The following SLC9C1 variants were observed in gnomAD, a reference collection of about 807,000 sequenced individuals.
The protein encoded by SLC9C1 is sodium/hydrogen exchanger 10.
In SLC9C1, 97 loss-of-function variants were observed where a neutral mutation model predicts 140.9. The observed-to-expected ratio is 0.69, with a 90% CI of 0.58 to 0.82. The LOEUF (loss-of-function observed/expected upper bound fraction) is 0.82. SLC9C1 is among the 40% of genes least tolerant of loss of function. The pLI, the probability that SLC9C1 is intolerant of heterozygous loss-of-function variation, is 0.00. For missense variants in SLC9C1, 1,340 were observed against 1,389.3 expected (o/e 0.96, Z 0.56); for synonymous variants, 440 against 442.6 (o/e 0.99, Z 0.07).
At chr3:112,152,583 G>C (rs935945619) in intron 27 of SLC9C1, among the ~76,000 whole-genome samples, 1 of 151,934 alleles carries the variant, frequency 6.6e-6, no homozygotes, top group Non-Finnish European at 1.5e-5. Context: ...CCCTGTATTG[G>C]TGTCAGGCTG....
chr3:112,183,420 C>T (rs1410210594), intron 20 of SLC9C1, among the ~76,000 whole-genome samples: 1 of 130,750 alleles, frequency 7.6e-6, no homozygotes, highest in East Asian at 2.2e-4. Flanking sequence ...CACTAAACCC[C>T]ACACAATTCC....
At chr3:112,286,528 G>A (rs1415222590) in intron 2 of SLC9C1, among the ~76,000 whole-genome samples, 176 bp downstream of exon 2, 2 of 152,118 alleles carry the variant, frequency 1.3e-5, no homozygotes, top group East Asian at 1.9e-4. Flanking sequence ...GATTCTACAC[G>A]TCTCTCCATA....
chr3:112,150,941 G>A (rs2074960110), intron 28 of SLC9C1, among the ~76,000 whole-genome samples: 1 of 150,158 alleles, frequency 6.7e-6, no homozygotes, highest in South Asian at 2.1e-4. Flanking sequence ...AGGTTCAAGC[G>A]ATTCTCCTGC....
At chr3:112,181,662 T>C (rs1292515359) in intron 21 of SLC9C1, among the ~76,000 whole-genome samples, 4 of 152,136 alleles carry the variant, frequency 2.6e-5, no homozygotes, top group Non-Finnish European at 5.9e-5. Flanking sequence ...GGCAGCAATA[T>C]TGGTCCTCTG....
chr3:112,190,548 C>T (rs1311839626), intron 20 of SLC9C1, among the ~76,000 whole-genome samples: 1 of 152,088 alleles, frequency 6.6e-6, no homozygotes, highest in African/African-American at 2.4e-5. Flanking sequence ...TAGCATTGAA[C>T]AATAACAGTT....
At chr3:112,259,425 A>G (rs2079707413) in intron 10 of SLC9C1, among the ~76,000 whole-genome samples, 1 of 151,878 alleles carries the variant, frequency 6.6e-6, no homozygotes, top group South Asian at 2.1e-4. Flanking sequence ...CTAAAAAAAA[A>G]AAAAAAAGCA....
At chr3:112,287,613 G>A (rs765505030) in intron 1 of SLC9C1, among the ~76,000 whole-genome samples, 35 of 152,176 alleles carry the variant, frequency 2.3e-4, no homozygotes, top group African/African-American at 8.2e-4. Flanking sequence ...AGGCAATCTC[G>A]CCTGCTTCCC....
At chr3:112,157,222 C>T (rs1247602967) in intron 26 of SLC9C1, among the ~76,000 whole-genome samples, 1 of 151,902 alleles carries the variant, frequency 6.6e-6, no homozygotes, top group East Asian at 1.9e-4. Flanking sequence ...AAACTTGTTT[C>T]ATTCTTCTGC....
intron 10 of SLC9C1, among the ~76,000 whole-genome samples, chr3:112,251,108 C>T (rs1013305054): frequency 6.6e-6 from 1 of 152,084 alleles, no homozygotes; most frequent in African/African-American, 2.4e-5. Flanking sequence ...CTAGAAGCAG[C>T]TAGTATGCAC....
intron 15 of SLC9C1, among the ~76,000 whole-genome samples, chr3:112,213,604 CAAAG>C (rs1439452774): frequency 4.6e-5 from 7 of 152,026 alleles, no homozygotes; most frequent in South Asian, 2.1e-4. Flanking sequence ...TCAAAAGAGA[CAAAG>C]AAGGCCATTA....
chr3:112,200,509 CAGAG>C (rs1249468894), intron 19 of SLC9C1, among the ~76,000 whole-genome samples, 198 bp downstream of exon 19: 2 of 152,166 alleles, frequency 1.3e-5, no homozygotes, highest in African/African-American at 4.8e-5. Flanking sequence ...TTGCATGAAG[CAGAG>C]AGAGAAAGTG....
chr3:112,267,653 T>A (rs975723883), intron 7 of SLC9C1, among the ~76,000 whole-genome samples: 2 of 151,652 alleles, frequency 1.3e-5, no homozygotes, highest in African/African-American at 4.8e-5. Flanking sequence ...ATTGTTTGAT[T>A]TGGATTGTAA....
intron 24 of SLC9C1, 37 bp from the exon 25 acceptor site, chr3:112,169,099 C>G: frequency 5.7e-6 from 9 of 1,571,238 alleles, no homozygotes; most frequent in Non-Finnish European, 6.9e-6. Context: ...TATTATTAGT[C>G]TATGAAGTTC....
intron 2 of SLC9C1, among the ~76,000 whole-genome samples, chr3:112,285,700 T>G (rs1280207187): frequency 6.6e-6 from 1 of 152,196 alleles, no homozygotes; most frequent in Non-Finnish European, 1.5e-5. Context: ...CAGATGTAAA[T>G]ATGCACATCA....
chr3:112,223,124 C>G (rs1159126376), intron 13 of SLC9C1, among the ~76,000 whole-genome samples: 1 of 152,120 alleles, frequency 6.6e-6, no homozygotes, highest in Non-Finnish European at 1.5e-5. Flanking sequence ...TAAAAGGCTT[C>G]TTGTTTATAA....
intron 15 of SLC9C1, among the ~76,000 whole-genome samples, chr3:112,215,960 A>G (rs980037874): frequency 1.3e-5 from 2 of 152,228 alleles, no homozygotes; most frequent in African/African-American, 4.8e-5. Context: ...AAACTATACT[A>G]CAAGGCTGTG....
At chr3:112,261,926 G>T (rs2079784776) in intron 10 of SLC9C1, among the ~76,000 whole-genome samples, 1 of 152,022 alleles carries the variant, frequency 6.6e-6, no homozygotes, top group Non-Finnish European at 1.5e-5. Context: ...TTCTGTTGGT[G>T]GAAGTGATTA....
chr3:112,178,811 G>A (rs1303914694), intron 23 of SLC9C1, among the ~76,000 whole-genome samples: 10 of 152,044 alleles, frequency 6.6e-5, no homozygotes, highest in Admixed American at 6.5e-4. Flanking sequence ...TATTTTATTA[G>A]CGATGGCACA....
In SLC9C1 at chr3:112,227,506, C is replaced by T. The variant is rs570512470; in HGVS notation, c.1572+3855G>A. 7.1e-4 allele frequency among the ~76,000 whole-genome samples: 97 copies of T among 136,586 alleles called. No homozygotes were observed. In the Middle Eastern group the frequency reaches 0.011, roughly 15 times the overall value. The allele number at this position is 136,586 out of a possible 152,430, so 89.6% of individuals were successfully genotyped here. A position where few individuals can be genotyped will look rare whatever the true frequency, so the allele number is the denominator to read the frequency against. ...AAAGCCATTTGATCATCTGAATAGA[C>T]GCAAAAAACATTTGATAAAATTCAG... On this transcript the variant is annotated intron_variant, in intron 13 of 28. Transcript: ENST00000305815.
Sources: gnomAD v4.1 joint callset for allele counts (sites outside exome capture counted in the v4.1 genomes callset) on GRCh38, gnomAD v4.1.1 for gene constraint, MANE v1.5 for transcripts, NCBI Gene and HGNC (gene_info 2026-07-23, HGNC 2026-07-21) for gene names.